The following ANXA8 variants were observed in gnomAD, a reference collection of about 807,000 sequenced individuals.
ANXA8 encodes the protein annexin A8, also known as VAC-beta.
Under a neutral mutation model 26.8 loss-of-function variants are expected in ANXA8, and 9 were observed. The observed-to-expected ratio is 0.34, with a 90% CI of 0.20 to 0.59. ANXA8 has a LOEUF of 0.59. Among genes scored for constraint, ANXA8 ranks in the 20% least tolerant of loss-of-function variants. The pLI is 0.84. For missense variants in ANXA8, 83 were observed against 238.5 expected (o/e 0.35, Z 4.29); for synonymous variants, 39 against 94.8 (o/e 0.41, Z 3.42).
chr10:47,975,148 T>C, the ANXA8 span, among the ~76,000 whole-genome samples: 8 of 149,444 alleles, frequency 5.4e-5, 2 homozygotes, highest in Non-Finnish European at 1.0e-4. Flanking sequence ...CATCATCTTA[T>C]GAACTATTTA....
the ANXA8 span, among the ~76,000 whole-genome samples, chr10:47,738,909 C>T: frequency 6.6e-6 from 1 of 151,104 alleles, no homozygotes; most frequent in African/African-American, 2.4e-5. Context: ...TTCAACTATG[C>T]TCTGTTGAAT....
chr10:47,650,819 AG>A, the ANXA8 span, among the ~76,000 whole-genome samples: 1 of 146,928 alleles, frequency 6.8e-6, no homozygotes, highest in Non-Finnish European at 1.5e-5. Context: ...AAAAAAAAAA[AG>A]GGCAAAGAAT....
At chr10:47,898,916 C>T in the ANXA8 span, among the ~76,000 whole-genome samples, 3,078 of 145,692 alleles carry the variant, frequency 0.021, 28 homozygotes, top group Middle Eastern at 0.032. Flanking sequence ...TCACTGCAAT[C>T]TCTGCCTCTC....
At chr10:47,486,972 C>A (rs1481944117), upstream of ANXA8, among the ~76,000 whole-genome samples, 2 of 142,214 alleles carry the variant, frequency 1.4e-5, no homozygotes, top group African/African-American at 5.2e-5. Context: ...GACTCTATCT[C>A]AAAACAAAAA....
At chr10:47,521,332 CT>C in the ANXA8 span, among the ~76,000 whole-genome samples, 1 of 140,504 alleles carries the variant, frequency 7.1e-6, no homozygotes, top group Non-Finnish European at 1.5e-5. Flanking sequence ...TACTTACATG[CT>C]TTGTGTATAA....
chr10:47,940,501 G>C, the ANXA8 span, among the ~76,000 whole-genome samples: 1 of 146,078 alleles, frequency 6.8e-6, no homozygotes, highest in Non-Finnish European at 1.5e-5. Flanking sequence ...AGACTTTAGG[G>C]CCTAGGGGAA....
the ANXA8 span, among the ~76,000 whole-genome samples, chr10:47,623,958 C>G: frequency 1.0e-5 from 1 of 98,046 alleles, no homozygotes; most frequent in African/African-American, 4.1e-5. Context: ...AAAAGGTGGC[C>G]GGGCGCAGTG....
the ANXA8 span, among the ~76,000 whole-genome samples, chr10:47,633,851 C>A: frequency 6.7e-6 from 1 of 149,086 alleles, no homozygotes; most frequent in East Asian, 1.9e-4. Flanking sequence ...AAATGTTTTT[C>A]ACCCAGTTAA....
At chr10:47,659,764 T>G in the ANXA8 span, among the ~76,000 whole-genome samples, 41 of 151,754 alleles carry the variant, frequency 2.7e-4, no homozygotes, top group Non-Finnish European at 5.1e-4. Flanking sequence ...AATTTTAATT[T>G]TTTATTTTTT....
the ANXA8 span, among the ~76,000 whole-genome samples, chr10:47,623,962 C>T: frequency 4.1e-5 from 4 of 97,526 alleles, no homozygotes; most frequent in East Asian, 4.6e-4. Flanking sequence ...GGTGGCCGGG[C>T]GCAGTGGCTG....
At chr10:47,618,166 T>C in the ANXA8 span, among the ~76,000 whole-genome samples, 1 of 109,656 alleles carries the variant, frequency 9.1e-6, no homozygotes, top group Non-Finnish European at 2.0e-5. Flanking sequence ...GTTATCCCAG[T>C]AATAAGTAAA....
the ANXA8 span, among the ~76,000 whole-genome samples, chr10:47,743,739 C>G: frequency 6.7e-6 from 1 of 150,244 alleles, no homozygotes; most frequent in Non-Finnish European, 1.5e-5. Flanking sequence ...GGCCGCGGAT[C>G]GCGCTCTGCC....
the ANXA8 span, among the ~76,000 whole-genome samples, chr10:47,973,838 A>AT: frequency 6.6e-6 from 1 of 151,128 alleles, no homozygotes; most frequent in Non-Finnish European, 1.5e-5. Context: ...AATCAGTAGG[A>AT]TTGGTACCAG....
the ANXA8 span, among the ~76,000 whole-genome samples, chr10:47,894,509 GCCACACACACCA>G: frequency 2.5e-4 from 27 of 108,652 alleles, no homozygotes; most frequent in Non-Finnish European, 4.4e-4. Flanking sequence ...CACTACACAC[GCCACACACACCA>G]TATACACCAC....
the ANXA8 span, among the ~76,000 whole-genome samples, chr10:47,944,703 G>C: frequency 1.3e-5 from 2 of 150,676 alleles, no homozygotes; most frequent in South Asian, 4.2e-4. Flanking sequence ...TGTAGGATGT[G>C]ACTTTGCTCC....
chr10:47,559,880 C>T, the ANXA8 span, among the ~76,000 whole-genome samples: 5 of 151,814 alleles, frequency 3.3e-5, no homozygotes, highest in South Asian at 2.1e-4. Flanking sequence ...TTCACTGAAC[C>T]TTTATTGGTT....
chr10:47,559,093 T>C, the ANXA8 span, among the ~76,000 whole-genome samples: 2 of 150,970 alleles, frequency 1.3e-5, no homozygotes, highest in East Asian at 2.0e-4. Flanking sequence ...CCAGTTGTGC[T>C]ATTTTTTCCC....
At chr10:47,535,131 GC>G in the ANXA8 span, among the ~76,000 whole-genome samples, 1 of 128,420 alleles carries the variant, frequency 7.8e-6, no homozygotes, top group African/African-American at 3.5e-5. Context: ...CGCAACACAT[GC>G]CCAGCTAACT....
chr10:47,967,972 C>CAA, the ANXA8 span, among the ~76,000 whole-genome samples: 485 of 145,518 alleles, frequency 3.3e-3, 6 homozygotes, highest in South Asian at 9.4e-3. Flanking sequence ...AGCATGGGTG[C>CAA]AAAAAAAAAA....
Sources: allele counts gnomAD v4.1 joint callset (sites outside exome capture counted in the v4.1 genomes callset), GRCh38; gene constraint gnomAD v4.1.1; transcripts MANE v1.5; gene names NCBI Gene and HGNC (gene_info 2026-07-23, HGNC 2026-07-21).